FASTKD1: variants seen among roughly 807,000 people sequenced by gnomAD.
The protein encoded by FASTKD1 is FAST kinase domains 1.
Under a neutral mutation model 90.9 loss-of-function variants are expected in FASTKD1, and 94 were observed. The ratio of observed to expected loss-of-function variants is 1.03; its 90% CI spans 0.88 to 1.23. The LOEUF is 1.23. FASTKD1 is among the 50% of genes most tolerant of loss of function. The probability of loss-of-function intolerance (pLI) is 0.00; values close to 1 mark genes in which losing one functional copy is unlikely to be tolerated. For synonymous variants in FASTKD1, 319 were observed against 345.8 expected (o/e 0.92, Z 0.86); for missense variants, 945 against 993.5 (o/e 0.95, Z 0.66).
chr2:169,559,337 A>T (rs1259455103), intron 5 of FASTKD1, among the ~76,000 whole-genome samples: 1 of 152,154 alleles, frequency 6.6e-6, no homozygotes, highest in Non-Finnish European at 1.5e-5. Flanking sequence ...AATGATACAG[A>T]TTCCCCTATT....
chr2:169,537,467 C>T, intron 11 of FASTKD1, 127 bp from the exon 12 acceptor site: 1 of 541,474 alleles, frequency 1.8e-6, no homozygotes, highest in South Asian at 2.3e-5. Flanking sequence ...TCACTGCAAC[C>T]TCTGCCTCCC....
intron 7 of FASTKD1, among the ~76,000 whole-genome samples, chr2:169,549,552 C>T (rs1685395714): frequency 6.6e-6 from 1 of 152,036 alleles, no homozygotes; most frequent in South Asian, 2.1e-4. Flanking sequence ...GCAGCCTTGA[C>T]CTCCTGGGCT....
chr2:169,550,390 T>G (rs1413788903), intron 7 of FASTKD1, among the ~76,000 whole-genome samples: 2 of 152,212 alleles, frequency 1.3e-5, no homozygotes, highest in Admixed American at 1.3e-4. Context: ...AATACATATA[T>G]GTAGTATACA....
intron 3 of FASTKD1, among the ~76,000 whole-genome samples, chr2:169,564,435 AT>A (rs869250764): frequency 1.8e-4 from 27 of 151,926 alleles, no homozygotes; most frequent in African/African-American, 4.6e-4. Context: ...TAAAAAAAAA[AT>A]TTTTTTTGTG....
chr2:169,548,010 A>G (rs1685293893), intron 7 of FASTKD1, among the ~76,000 whole-genome samples: 1 of 140,008 alleles, frequency 7.1e-6, no homozygotes, highest in Non-Finnish European at 1.6e-5. Context: ...AAAAAAAAAC[A>G]AAACAAAAAC....
intron 12 of FASTKD1, among the ~76,000 whole-genome samples, chr2:169,534,706 G>A (rs901618388): frequency 6.6e-6 from 1 of 151,980 alleles, no homozygotes; most frequent in East Asian, 1.9e-4. Flanking sequence ...TAATCCGCCC[G>A]CCTCTGTCTC....
Position 169,531,337 on chromosome 2 carries a change from TA to T in FASTKD1, c.2327+14del, listed in dbSNP as rs772980025. 7 of 1,611,982 alleles carry T rather than the reference TA, an allele frequency of 4.3e-6. No individual in the cohort carries two copies. Among genetic ancestry groups the T allele is most frequent in the Non-Finnish European group, 4.2e-6 (5 of 1,178,294 alleles). On this transcript the variant is annotated intron_variant, in intron 13 of 14. Transcript: ENST00000453153. ...TTTAGATATTAATACAATCTAAAACTAAGAAATAAATTACCTTTCAGCCCCT... is the reference window on the plus strand; with the variant it reads ...TTTAGATATTAATACAATCTAAAACTAGAAATAAATTACCTTTCAGCCCCT...
Position 169,536,644 on chromosome 2 carries a change from C to A in FASTKD1, c.2188+583G>T, listed in dbSNP as rs1173132796. 3.3e-5 allele frequency among the ~76,000 whole-genome samples: 5 copies of A among 152,176 alleles called. No individual in the cohort carries two copies. In the East Asian group the frequency reaches 9.6e-4, roughly 29 times the overall value. On this transcript the variant is annotated intron_variant, in intron 12 of 14. Coordinates refer to ENST00000453153, the MANE Select transcript of FASTKD1 (RefSeq NM_024622.6). ...AAATTTTATCTTTTTCATTTAAGAT[C>A]ACCACTTGAATGTGGCAATATCTTT...
chr2:169,546,901 G>GCTGC (rs988929090), intron 7 of FASTKD1, among the ~76,000 whole-genome samples, 197 bp from the exon 8 acceptor site: 1 of 152,168 alleles, frequency 6.6e-6, no homozygotes, highest in African/African-American at 2.4e-5. Flanking sequence ...ATGTGTGGGA[G>GCTGC]TTCTTCCAAG....
intron 12 of FASTKD1, among the ~76,000 whole-genome samples, chr2:169,534,640 G>T (rs1684651491): frequency 6.6e-6 from 1 of 151,490 alleles, no homozygotes; most frequent in South Asian, 2.1e-4. Context: ...TGTATATTTA[G>T]TAGAGATGGG....
intron 2 of FASTKD1, 106 bp from the exon 3 acceptor site, chr2:169,569,358 T>C (rs760968728): frequency 1.9e-6 from 2 of 1,043,990 alleles, no homozygotes; most frequent in Non-Finnish European, 3.0e-6. Flanking sequence ...TATTTTCCTC[T>C]TATACAGGCA....
intron 7 of FASTKD1, among the ~76,000 whole-genome samples, chr2:169,551,391 A>T (rs1257638183): frequency 6.6e-6 from 1 of 151,822 alleles, no homozygotes; most frequent in Non-Finnish European, 1.5e-5. Flanking sequence ...ATATCCATCA[A>T]CAATAGAATA....
rs1684253045 is a variant in FASTKD1 at position 169,571,913 on chromosome 2, T to C, written c.117A>G (p.Leu39=). 6.2e-7 allele frequency: 1 copy of C among 1,614,006 alleles called. No individual in the cohort carries two copies. The highest frequency in any genetic ancestry group is 1.3e-5 in the African/African-American group (1 of 74,944). The change falls in exon 2 of 15, where the codon CTA becomes CTG. Residue 39 remains leucine (L), a synonymous_variant. Transcript: ENST00000453153. ...FQFRPISCEP[L]IIQMNKCTDE... ...CTGTACACTTATTCATCTGAATAAT[T>C]AGTGGTTCACAACTGATGGGTCGAA...
intron 2 of FASTKD1, 109 bp from the exon 3 acceptor site, chr2:169,569,361 T>C (rs1002644612): frequency 6.6e-5 from 67 of 1,008,648 alleles, no homozygotes; most frequent in Non-Finnish European, 9.6e-5. Flanking sequence ...TTTCCTCTTA[T>C]ACAGGCAGTC....
chr2:169,532,160 C>G (rs1286882955), intron 12 of FASTKD1, among the ~76,000 whole-genome samples: 1 of 152,110 alleles, frequency 6.6e-6, no homozygotes, highest in African/African-American at 2.4e-5. Context: ...TGGCTCACAC[C>G]TGTAATCCCA....
chr2:169,539,552 G>A (rs1684876994), intron 10 of FASTKD1, among the ~76,000 whole-genome samples: 1 of 152,068 alleles, frequency 6.6e-6, no homozygotes, highest in African/African-American at 2.4e-5. Context: ...AGAATCACTT[G>A]AGCTCAAGAG....
At chr2:169,549,824 G>A (rs1384546975) in intron 7 of FASTKD1, among the ~76,000 whole-genome samples, 1 of 152,150 alleles carries the variant, frequency 6.6e-6, no homozygotes, top group African/African-American at 2.4e-5. Flanking sequence ...CTCAGTGTTA[G>A]CAAGGGTGTA....
At chr2:169,554,663 CAA>C (rs879459046) in intron 7 of FASTKD1, among the ~76,000 whole-genome samples, 1 of 137,188 alleles carries the variant, frequency 7.3e-6, no homozygotes, top group Non-Finnish European at 1.6e-5. Flanking sequence ...GACTCCATCT[CAA>C]AAAAAAAAAG....
At chr2:169,572,707 G>T (rs1163251374) in intron 1 of FASTKD1, among the ~76,000 whole-genome samples, 1 of 151,744 alleles carries the variant, frequency 6.6e-6, no homozygotes, top group Admixed American at 6.6e-5. Flanking sequence ...ATCATTACTG[G>T]CCTTGGATAG....
Sources: gnomAD v4.1 joint callset for allele counts (sites outside exome capture counted in the v4.1 genomes callset) on GRCh38, gnomAD v4.1.1 for gene constraint, MANE v1.5 for transcripts, NCBI Gene and HGNC (gene_info 2026-07-23, HGNC 2026-07-21) for gene names.